Variants in SLC2A9 observed in about 807,000 individuals in gnomAD.
SLC2A9 encodes solute carrier family 2, facilitated glucose transporter member 9.
A neutral mutation model predicts 50.6 loss-of-function variants in SLC2A9; 39 were observed. The ratio of observed to expected loss-of-function variants is 0.77; its 90% confidence interval spans 0.60 to 1.01. The LOEUF is 1.01. SLC2A9 is among the 50% of genes least tolerant of loss of function. SLC2A9 has a pLI of 0.00. For missense variants in SLC2A9, 686 were observed against 677.6 expected (o/e 1.01, Z -0.14); for synonymous variants, 324 against 276.9 (o/e 1.17, Z -1.69).
intron 3 of SLC2A9, among the ~76,000 whole-genome samples, chr4:9,786,477 T>C (rs1719234920): frequency 6.6e-6 from 1 of 152,222 alleles, no homozygotes; most frequent in African/African-American, 2.4e-5. Flanking sequence ...AAATAGTTAA[T>C]TGATTCATCC....
chr4:9,817,294 T>C (rs1004572327), intron 3 of SLC2A9, among the ~76,000 whole-genome samples: 2 of 152,234 alleles, frequency 1.3e-5, no homozygotes, highest in Admixed American at 6.5e-5. Flanking sequence ...CTGGACATCT[T>C]TGAAGGGGCC....
intron 3 of SLC2A9, among the ~76,000 whole-genome samples, chr4:9,811,309 C>T (rs921487493): frequency 6.6e-6 from 1 of 152,232 alleles, no homozygotes; most frequent in Non-Finnish European, 1.5e-5. Context: ...ATTCTACTTC[C>T]CCTCTCCTTA....
At chr4:9,983,363 C>T (rs896624671) in intron 4 of SLC2A9, among the ~76,000 whole-genome samples, 4 of 152,178 alleles carry the variant, frequency 2.6e-5, no homozygotes, top group Non-Finnish European at 5.9e-5. Flanking sequence ...CTTGCTTGGG[C>T]CAAAGGGACA....
intron 11 of SLC2A9, among the ~76,000 whole-genome samples, chr4:9,833,179 G>T (rs1444940893): frequency 6.6e-6 from 1 of 152,200 alleles, no homozygotes; most frequent in Non-Finnish European, 1.5e-5. Flanking sequence ...GTTATGTTCT[G>T]ACTGCAGCCA....
At chr4:9,887,425 A>G (rs879890850) in intron 10 of SLC2A9, 142 bp downstream of exon 10, 10 of 780,666 alleles carry the variant, frequency 1.3e-5, no homozygotes, top group Non-Finnish European at 1.8e-5. Flanking sequence ...AATTGGGCCA[A>G]AAGAAAGGCA....
At chr4:9,896,672 A>G (rs1738615643) in intron 8 of SLC2A9, among the ~76,000 whole-genome samples, 1 of 152,108 alleles carries the variant, frequency 6.6e-6, no homozygotes, top group Admixed American at 6.5e-5. Flanking sequence ...ATGTTGCAAA[A>G]CTTTCTCCTT....
intron 10 of SLC2A9, among the ~76,000 whole-genome samples, chr4:9,859,872 G>T (rs539626732): frequency 1.3e-5 from 2 of 152,290 alleles, no homozygotes; most frequent in African/African-American, 2.4e-5. Context: ...TCTTTCCCCA[G>T]TTGGCTGTGA....
intron 8 of SLC2A9, 31 bp downstream of exon 8, chr4:9,908,204 C>T (rs755483541): frequency 1.4e-6 from 2 of 1,448,124 alleles, no homozygotes. Context: ...CCCCCTGTGG[C>T]ATTCTCAGGA....
intron 10 of SLC2A9, among the ~76,000 whole-genome samples, chr4:9,882,838 A>G (rs1735474441): frequency 6.6e-6 from 1 of 152,158 alleles, no homozygotes; most frequent in African/African-American, 2.4e-5. Flanking sequence ...CATTCTCCAC[A>G]TAAACTTCCT....
chr4:9,820,369 A>T (rs1181535465), intron 3 of SLC2A9, among the ~76,000 whole-genome samples: 1 of 152,218 alleles, frequency 6.6e-6, no homozygotes, highest in Non-Finnish European at 1.5e-5. Flanking sequence ...TAGAATTATA[A>T]TAAATCTTAA....
At chr4:9,916,002 G>A (rs890611570) in intron 7 of SLC2A9, among the ~76,000 whole-genome samples, 13 of 152,198 alleles carry the variant, frequency 8.5e-5, no homozygotes, top group Admixed American at 8.5e-4. Context: ...GAGGGGGAAA[G>A]TACCACAGTT....
chr4:9,842,278 T>G (rs776766183), intron 10 of SLC2A9, among the ~76,000 whole-genome samples: 17 of 152,320 alleles, frequency 1.1e-4, no homozygotes, highest in African/African-American at 3.4e-4. Context: ...TTGTGGTAGG[T>G]GTGTAGGTGC....
chr4:9,801,190 C>T (rs1721358165), intron 3 of SLC2A9, among the ~76,000 whole-genome samples: 1 of 152,110 alleles, frequency 6.6e-6, no homozygotes, highest in African/African-American at 2.4e-5. Context: ...CAGTCAACCA[C>T]CTGGCAGGTG....
At chr4:9,881,398 G>C (rs1735188760) in intron 10 of SLC2A9, among the ~76,000 whole-genome samples, 1 of 152,172 alleles carries the variant, frequency 6.6e-6, no homozygotes, top group Non-Finnish European at 1.5e-5. Flanking sequence ...CGTTTGACAT[G>C]AACTTCTTCC....
rs545581424 is a variant in SLC2A9, at chr4:9,924,706, T to C, written c.815-4134A>G. ...GTGCTTCCTCGAGTCACCTCTCAAA[T>C]AAACTTCCCATCTTCAAAACCTTGA... On this transcript the variant is annotated intron_variant, in intron 6 of 11. Transcript: ENST00000264784. Among the ~76,000 whole-genome samples the C allele has an allele frequency of 7.9e-5, 12 of 152,302 alleles. 1 individual carries two copies. Among genetic ancestry groups the C allele is most frequent in the Admixed American group, 7.8e-4 (12 of 15,290 alleles).
intron 6 of SLC2A9, among the ~76,000 whole-genome samples, chr4:9,934,579 G>A (rs867289334): frequency 2.0e-5 from 3 of 152,346 alleles, no homozygotes; most frequent in Middle Eastern, 3.4e-3. Flanking sequence ...AGCAGATGAG[G>A]AAACAGTCAT....
intron 11 of SLC2A9, among the ~76,000 whole-genome samples, chr4:9,828,334 G>A (rs559775057): frequency 1.3e-5 from 2 of 152,278 alleles, no homozygotes; most frequent in Admixed American, 6.5e-5. Context: ...CTTGTCAACT[G>A]ATTTCCCTGC....
intron 5 of SLC2A9, among the ~76,000 whole-genome samples, chr4:9,947,897 AC>A (rs1444763488): frequency 6.6e-6 from 1 of 152,050 alleles, no homozygotes; most frequent in Non-Finnish European, 1.5e-5. Flanking sequence ...CTCCTGACTG[AC>A]CCAGTGCTTC....
chr4:9,867,581 TAG>T (rs1436959693), intron 10 of SLC2A9, among the ~76,000 whole-genome samples: 1 of 152,202 alleles, frequency 6.6e-6, no homozygotes, highest in Non-Finnish European at 1.5e-5. Flanking sequence ...AAGATTTCTG[TAG>T]AGATAGACGG....
Sources: gnomAD v4.1 joint callset for allele counts (sites outside exome capture counted in the v4.1 genomes callset) on GRCh38, gnomAD v4.1.1 for gene constraint, MANE v1.5 for transcripts, NCBI Gene and HGNC (gene_info 2026-07-23, HGNC 2026-07-21) for gene names.